Variants in ARHGEF28 observed in about 807,000 individuals in gnomAD.
ARHGEF28 encodes the protein Rho guanine nucleotide exchange factor 28.
In ARHGEF28, 152 loss-of-function variants were observed where a neutral mutation model predicts 206.6. The ratio of observed to expected loss-of-function variants is 0.74; its 90% confidence interval spans 0.64 to 0.84. The LOEUF is 0.84. Among genes scored for constraint, ARHGEF28 ranks in the 40% least tolerant of loss-of-function variants. The pLI is 0.00. For missense variants in ARHGEF28, 2,028 were observed against 2,073.2 expected (o/e 0.98, Z 0.42); for synonymous variants, 763 against 776.4 (o/e 0.98, Z 0.29).
In ARHGEF28 at chr5:73,897,955, A is replaced by G; in HGVS notation, c.3842-7A>G. The G allele has an allele frequency of 6.4e-7, 1 of 1,562,304 alleles. No individual in the cohort carries two copies. On this transcript the variant is annotated splice_region_variant and splice_polypyrimidine_tract_variant and intron_variant, in intron 29 of 35. Coordinates refer to ENST00000513042, the MANE Select transcript of ARHGEF28 (RefSeq NM_001177693.2). ...TTTAGATTTATTTTTGTTTTTCTCCATCTTAGCTGAGAGCCTACAAGTTGC... is the reference window on the plus strand; with the variant it reads ...TTTAGATTTATTTTTGTTTTTCTCCGTCTTAGCTGAGAGCCTACAAGTTGC...
intron 9 of ARHGEF28, among the ~76,000 whole-genome samples, chr5:73,801,960 C>T (rs1448544358): frequency 2.0e-5 from 3 of 152,168 alleles, no homozygotes; most frequent in African/African-American, 7.2e-5. Context: ...GGTCAGAGAT[C>T]CCTGAGGGAG....
At chr5:73,796,662 T>G (rs16870874) in intron 9 of ARHGEF28, among the ~76,000 whole-genome samples, 1 of 152,178 alleles carries the variant, frequency 6.6e-6, no homozygotes, top group Non-Finnish European at 1.5e-5. Flanking sequence ...TCTTGCTGCA[T>G]GTGGCCCTAC....
chr5:73,645,077 T>A (rs1221516013), intron 1 of ARHGEF28, among the ~76,000 whole-genome samples: 1 of 152,190 alleles, frequency 6.6e-6, no homozygotes, highest in Non-Finnish European at 1.5e-5. Context: ...GGTAGGAAGG[T>A]AGGTCAGATT....
intron 7 of ARHGEF28, among the ~76,000 whole-genome samples, chr5:73,785,667 TA>T (rs1445698960): frequency 2.0e-5 from 3 of 152,338 alleles, no homozygotes; most frequent in East Asian, 1.9e-4. Flanking sequence ...TGAATCCGCT[TA>T]AAAAATTATT....
Position 73,845,439 on chromosome 5 carries a change from A to AC in ARHGEF28, c.1428-828dup, listed in dbSNP as rs539691566. Among the ~76,000 whole-genome samples, 6 of 152,068 alleles carry AC rather than the reference A, an allele frequency of 3.9e-5. No individual in the cohort carries two copies. In the South Asian group the frequency reaches 1.2e-3, roughly 32 times the overall value. ...TGGGGCGGATGGGTGGGACCTTCACACATCTCTCCTTGGTGTGCCTCTGCC... is the reference window on the plus strand; with the variant it reads ...TGGGGCGGATGGGTGGGACCTTCACACCATCTCTCCTTGGTGTGCCTCTGCC... On this transcript the variant is annotated intron_variant, in intron 11 of 35. Transcript: ENST00000513042.
chr5:73,872,341 TTTATA>T (rs770078022), intron 21 of ARHGEF28, among the ~76,000 whole-genome samples: 10 of 152,146 alleles, frequency 6.6e-5, no homozygotes, highest in Non-Finnish European at 1.5e-4. Context: ...TATTTATTTA[TTTATA>T]TTGTTGAGTT....
chr5:73,838,767 G>T (rs947631210), intron 10 of ARHGEF28, among the ~76,000 whole-genome samples: 10 of 152,154 alleles, frequency 6.6e-5, no homozygotes, highest in Non-Finnish European at 1.5e-4. Context: ...AACATGGATA[G>T]TTTCTTACGT....
intron 9 of ARHGEF28, among the ~76,000 whole-genome samples, chr5:73,830,560 G>GAAA (rs57559151): frequency 7.9e-6 from 1 of 127,190 alleles, no homozygotes; most frequent in African/African-American, 2.9e-5. Context: ...CTCAAAAAAA[G>GAAA]AAAAAAAAAA....
At chr5:73,750,242 G>A (rs966362366) in intron 3 of ARHGEF28, among the ~76,000 whole-genome samples, 1 of 152,104 alleles carries the variant, frequency 6.6e-6, no homozygotes, top group African/African-American at 2.4e-5. Flanking sequence ...CAACTTTTAT[G>A]GTTGGGTGTG....
chr5:73,852,803 C>A, intron 14 of ARHGEF28, 111 bp downstream of exon 14: 1 of 1,157,156 alleles, frequency 8.6e-7, no homozygotes, highest in Non-Finnish European at 1.3e-6. Flanking sequence ...TTCCATGTAA[C>A]AAGCCTGCCT....
At chr5:73,781,206 G>A (rs2112461253) in intron 7 of ARHGEF28, among the ~76,000 whole-genome samples, 1 of 152,262 alleles carries the variant, frequency 6.6e-6, no homozygotes, top group East Asian at 1.9e-4. Flanking sequence ...ATTTAGAATT[G>A]AGGCATCAGG....
chr5:73,776,783 G>T (rs1753571179), intron 6 of ARHGEF28, 87 bp downstream of exon 6: 1 of 1,314,934 alleles, frequency 7.6e-7, no homozygotes, highest in Non-Finnish European at 1.0e-6. Flanking sequence ...AGTGTTTTTT[G>T]GGGGTAGGAC....
chr5:73,672,243 G>A (rs1746392506), intron 1 of ARHGEF28, among the ~76,000 whole-genome samples: 2 of 152,212 alleles, frequency 1.3e-5, no homozygotes, highest in Non-Finnish European at 2.9e-5. Context: ...AAACATAGGA[G>A]GCTGATGACG....
At chr5:73,632,077 C>T (rs372777363) in intron 1 of ARHGEF28, among the ~76,000 whole-genome samples, 8 of 152,138 alleles carry the variant, frequency 5.3e-5, no homozygotes, top group Admixed American at 3.9e-4. Flanking sequence ...AGAATATACA[C>T]GTGTTGGTCA....
chr5:73,764,397 T>C (rs1261209613), intron 4 of ARHGEF28, among the ~76,000 whole-genome samples: 1 of 152,232 alleles, frequency 6.6e-6, no homozygotes, highest in Non-Finnish European at 1.5e-5. Flanking sequence ...ATGAAGACTT[T>C]TTAAAGTTGC....
chr5:73,866,022 T>C lies in ARHGEF28; in HGVS notation c.2152+9T>C. The C allele has an allele frequency of 1.9e-6, 3 of 1,592,034 alleles. No homozygotes were observed. The highest frequency in any genetic ancestry group is 2.6e-6 in the Non-Finnish European group (3 of 1,168,302). ...ACAGACCATCCTTGGAAGTAAGTGA[T>C]GTAGAAAACGACAAGAACTTTTAAA... is the stretch of plus-strand genomic sequence containing the variant. On this transcript the variant is annotated intron_variant, in intron 18 of 35. Coordinates refer to ENST00000513042, the MANE Select transcript of ARHGEF28 (RefSeq NM_001177693.2).
rs550095055 is a variant in ARHGEF28 at position 73,718,196 on chromosome 5, T to C, written c.34-31641T>C. ...CAAAATTTGTTTTTGGTATGTATAC[T>C]AGTTAGCAGGATTATAGACCTCCCA... On this transcript the variant is annotated intron_variant, in intron 2 of 35. Coordinates refer to ENST00000513042, the MANE Select transcript of ARHGEF28 (RefSeq NM_001177693.2). Among the ~76,000 whole-genome samples, 14 of 152,264 alleles carry C rather than the reference T, an allele frequency of 9.2e-5. No homozygotes were observed. The East Asian group carries it at 1.9e-3, about 21-fold the overall frequency.
chr5:73,875,250 A>G (rs1185405719), intron 22 of ARHGEF28, among the ~76,000 whole-genome samples: 1 of 151,812 alleles, frequency 6.6e-6, no homozygotes, highest in African/African-American at 2.4e-5. Context: ...TCCTTCACCC[A>G]CTTTTTGATG....
intron 35 of ARHGEF28, among the ~76,000 whole-genome samples, chr5:73,913,057 C>A (rs1762992584): frequency 1.3e-5 from 2 of 152,160 alleles, no homozygotes; most frequent in Admixed American, 6.5e-5. Flanking sequence ...AGCATACTTG[C>A]AGTAGATAGA....
Sources: gnomAD v4.1 joint callset for allele counts (sites outside exome capture counted in the v4.1 genomes callset) on GRCh38, gnomAD v4.1.1 for gene constraint, MANE v1.5 for transcripts, NCBI Gene and HGNC (gene_info 2026-07-23, HGNC 2026-07-21) for gene names.